GALNT13: variants seen among roughly 807,000 people sequenced by gnomAD.
The protein encoded by GALNT13 is polypeptide N-acetylgalactosaminyltransferase 13.
Under a neutral mutation model 64.2 loss-of-function variants are expected in GALNT13, and 28 were observed. That is an observed-to-expected ratio of 0.44 (90% CI 0.32 to 0.60). GALNT13 has a LOEUF of 0.60. GALNT13 is among the 20% of genes least tolerant of loss of function. The probability of loss-of-function intolerance (pLI) is 0.05; values close to 1 mark genes in which losing one functional copy is unlikely to be tolerated. For missense variants in GALNT13, 577 were observed against 669.8 expected (o/e 0.86, Z 1.53); for synonymous variants, 214 against 224.6 (o/e 0.95, Z 0.42).
the GALNT13 span, among the ~76,000 whole-genome samples, chr2:153,208,633 G>C: frequency 6.6e-6 from 1 of 152,064 alleles, no homozygotes; most frequent in Non-Finnish European, 1.5e-5. Context: ...TCTTTGTGTA[G>C]GCATTCATTT....
the GALNT13 span, among the ~76,000 whole-genome samples, chr2:153,519,587 A>G: frequency 6.6e-6 from 1 of 152,140 alleles, no homozygotes; most frequent in African/African-American, 2.4e-5. Context: ...TTATTTAGAT[A>G]AAGTTTCTTC....
intron 11 of GALNT13, among the ~76,000 whole-genome samples, chr2:154,433,070 G>T (rs1022476827): frequency 1.3e-5 from 2 of 152,096 alleles, no homozygotes; most frequent in Non-Finnish European, 2.9e-5. Context: ...TGGAATTCTT[G>T]GTAATTTTAT....
At chr2:153,838,493 C>T in the GALNT13 span, among the ~76,000 whole-genome samples, 1 of 151,680 alleles carries the variant, frequency 6.6e-6, no homozygotes. Flanking sequence ...TCCAGTTTTC[C>T]CAGCCCCTTC....
At chr2:154,272,921 C>T in intron 8 of GALNT13, among the ~76,000 whole-genome samples, 1 of 152,046 alleles carries the variant, frequency 6.6e-6, no homozygotes, top group Non-Finnish European at 1.5e-5. Context: ...TTTTAAAAAG[C>T]ATTTATACAG....
At chr2:153,486,831 T>C in the GALNT13 span, among the ~76,000 whole-genome samples, 1 of 152,222 alleles carries the variant, frequency 6.6e-6, no homozygotes. Flanking sequence ...CTTTAAAGTC[T>C]GCATGATTTA....
the GALNT13 span, among the ~76,000 whole-genome samples, chr2:153,318,215 A>G: frequency 2.0e-5 from 3 of 151,952 alleles, no homozygotes; most frequent in South Asian, 4.2e-4. Context: ...GATACAAGGA[A>G]TCACTGTTTT....
At chr2:153,488,412 T>C in the GALNT13 span, among the ~76,000 whole-genome samples, 1 of 152,216 alleles carries the variant, frequency 6.6e-6, no homozygotes, top group Non-Finnish European at 1.5e-5. Flanking sequence ...AGAGCTATAG[T>C]ATACTGCTCC....
At chr2:153,260,710 C>T in the GALNT13 span, among the ~76,000 whole-genome samples, 3 of 152,024 alleles carry the variant, frequency 2.0e-5, no homozygotes, top group Admixed American at 1.3e-4. Flanking sequence ...TGTTCTATAA[C>T]CTTCTACTTG....
the GALNT13 span, among the ~76,000 whole-genome samples, chr2:153,162,040 G>T: frequency 6.6e-6 from 1 of 152,154 alleles, no homozygotes; most frequent in Non-Finnish European, 1.5e-5. Flanking sequence ...CTGAAGGCGT[G>T]AATGCACCCC....
At chr2:153,882,140 G>A (rs1686827153) in intron 1 of GALNT13, among the ~76,000 whole-genome samples, 2 of 151,042 alleles carry the variant, frequency 1.3e-5, no homozygotes, top group Admixed American at 6.6e-5. Context: ...ACAAATTGTA[G>A]AGAGTAAAGG....
intron 9 of GALNT13, among the ~76,000 whole-genome samples, chr2:154,337,491 T>C (rs1453147284): frequency 1.3e-5 from 2 of 152,128 alleles, no homozygotes; most frequent in South Asian, 2.1e-4. Flanking sequence ...AATTTCTCCA[T>C]TTTTGAAATG....
In GALNT13 at chr2:153,976,152, T is replaced by A. The variant is rs140135668; in HGVS notation, c.142+31513T>A. Among the ~76,000 whole-genome samples the A allele has an allele frequency of 5.6e-3, 856 of 152,266 alleles. 5 individuals carry two copies. Among genetic ancestry groups the A allele is most frequent in the Non-Finnish European group, 8.5e-3 (580 of 67,978 alleles). On this transcript the variant is annotated intron_variant, in intron 3 of 12. Transcript: ENST00000392825. ...TGTATGTGTTATTGTGTTTACAACC[T>A]GTAGAGGATATGTTCTATAAAAGTG... is the stretch of plus-strand genomic sequence containing the variant.
chr2:154,434,666 C>T (rs964646473), intron 11 of GALNT13, among the ~76,000 whole-genome samples: 11 of 151,882 alleles, frequency 7.2e-5, no homozygotes, highest in South Asian at 4.2e-4. Flanking sequence ...TGTTTGTAGA[C>T]CTAGCTTGAC....
chr2:153,489,756 A>G, the GALNT13 span, among the ~76,000 whole-genome samples: 1 of 152,204 alleles, frequency 6.6e-6, no homozygotes, highest in Non-Finnish European at 1.5e-5. Context: ...CCTAGGAACT[A>G]TTGGTTCTCA....
the GALNT13 span, among the ~76,000 whole-genome samples, chr2:153,513,587 A>G: frequency 6.6e-6 from 1 of 152,166 alleles, no homozygotes; most frequent in African/African-American, 2.4e-5. Flanking sequence ...TCCATTGGTC[A>G]TCTTTCTCTA....
At chr2:153,668,489 A>T in the GALNT13 span, among the ~76,000 whole-genome samples, 1 of 152,184 alleles carries the variant, frequency 6.6e-6, no homozygotes, top group African/African-American at 2.4e-5. Flanking sequence ...AACTAGATGC[A>T]GCTAGGAGGA....
chr2:153,835,627 T>C, the GALNT13 span, among the ~76,000 whole-genome samples: 45 of 152,186 alleles, frequency 3.0e-4, 1 homozygote, highest in East Asian at 7.9e-3. Flanking sequence ...AAACTTACTT[T>C]TAAAATATAG....
chr2:154,013,565 C>T (rs1005664101), intron 3 of GALNT13, among the ~76,000 whole-genome samples: 2 of 152,040 alleles, frequency 1.3e-5, no homozygotes, highest in African/African-American at 2.4e-5. Context: ...GCGGGCACAC[C>T]GGTGTACACT....
the GALNT13 span, among the ~76,000 whole-genome samples, chr2:153,180,717 C>A: frequency 1.3e-5 from 2 of 151,710 alleles, no homozygotes; most frequent in Admixed American, 6.6e-5. Context: ...GTTGGTTCAA[C>A]CTTTCTGTGT....
Sources: gnomAD v4.1 joint callset for allele counts (sites outside exome capture counted in the v4.1 genomes callset) on GRCh38, gnomAD v4.1.1 for gene constraint, MANE v1.5 for transcripts, NCBI Gene and HGNC (gene_info 2026-07-23, HGNC 2026-07-21) for gene names.